The following CDC42BPA variants were observed in gnomAD, a reference collection of about 807,000 sequenced individuals.
CDC42BPA encodes serine/threonine-protein kinase MRCK alpha.
Under a neutral mutation model 223.5 loss-of-function variants are expected in CDC42BPA, and 80 were observed. The ratio of observed to expected loss-of-function variants is 0.36; its 90% CI spans 0.30 to 0.43. The LOEUF is 0.43. Among genes scored for constraint, CDC42BPA ranks in the 20% least tolerant of loss-of-function variants. The pLI is 1.00. For synonymous variants in CDC42BPA, 694 were observed against 718.6 expected, an observed-to-expected ratio of 0.97 and a Z score of 0.55; for missense variants, 1,743 against 2,099.9, an observed-to-expected ratio of 0.83 and a Z score of 3.32.
intron 14 of CDC42BPA, among the ~76,000 whole-genome samples, chr1:227,109,146 AG>A (rs1188647876): frequency 1.3e-5 from 2 of 152,190 alleles, no homozygotes; most frequent in Non-Finnish European, 2.9e-5. Context: ...TGGATGAGTT[AG>A]TGACTGGTGA....
In CDC42BPA at chr1:227,135,043, C is replaced by T. The variant is rs113035642; in HGVS notation, c.1390+4533G>A. ...GGGAAAGTGAGCCAGGGAAGTGAGGCATTCTGAGGTGAAGAGGCTATTACA... is the reference window on the plus strand; with the variant it reads ...GGGAAAGTGAGCCAGGGAAGTGAGGTATTCTGAGGTGAAGAGGCTATTACA... On this transcript the variant is annotated intron_variant, in intron 10 of 36. Coordinates refer to ENST00000366766, the MANE Select transcript of CDC42BPA (RefSeq NM_001394014.1). Among the ~76,000 whole-genome samples the T allele has an allele frequency of 5.5e-3, 836 of 152,296 alleles. 8 individuals are homozygous for T. The highest frequency in any genetic ancestry group is 0.019 in the African/African-American group (792 of 41,552).
At chr1:227,230,820 C>CTTTT (rs1198828997) in intron 2 of CDC42BPA, among the ~76,000 whole-genome samples, 30 of 91,586 alleles carry the variant, frequency 3.3e-4, no homozygotes, top group Non-Finnish European at 4.4e-4. Context: ...TTCTTTCTTT[C>CTTTT]TTTTTTTTTT....
At chr1:227,253,462 G>A (rs1682457840) in intron 2 of CDC42BPA, among the ~76,000 whole-genome samples, 1 of 152,164 alleles carries the variant, frequency 6.6e-6, no homozygotes, top group African/African-American at 2.4e-5. Flanking sequence ...TGGGCCTGAT[G>A]GCGGACGCCT....
intron 1 of CDC42BPA, among the ~76,000 whole-genome samples, chr1:227,284,176 T>TG (rs776748559): frequency 6.6e-5 from 10 of 152,216 alleles, no homozygotes; most frequent in Middle Eastern, 3.2e-3. Context: ...CATGATGGTA[T>TG]GGTTTGATGA....
chr1:227,098,067 C>A (rs201691742), intron 15 of CDC42BPA, among the ~76,000 whole-genome samples: 9 of 152,050 alleles, frequency 5.9e-5, no homozygotes, highest in African/African-American at 2.2e-4. Context: ...GTCTTATGCC[C>A]CTTGGTCTAA....
intron 10 of CDC42BPA, among the ~76,000 whole-genome samples, chr1:227,132,754 T>C (rs1189216228): frequency 6.9e-6 from 1 of 144,850 alleles, no homozygotes; most frequent in South Asian, 2.2e-4. Context: ...GCCCATCGTC[T>C]GGGATGTGGA....
intron 21 of CDC42BPA, among the ~76,000 whole-genome samples, chr1:227,061,345 G>C (rs1056324102): frequency 6.6e-6 from 1 of 152,030 alleles, no homozygotes; most frequent in African/African-American, 2.4e-5. Flanking sequence ...TATGCAGATC[G>C]TTTTCCAAAG....
At chr1:227,003,309 C>T (rs910348630) in intron 35 of CDC42BPA, among the ~76,000 whole-genome samples, 8 of 152,166 alleles carry the variant, frequency 5.3e-5, no homozygotes, top group Non-Finnish European at 1.2e-4. Context: ...AAAAAGGTTT[C>T]ACTAAGTTGC....
intron 6 of CDC42BPA, among the ~76,000 whole-genome samples, chr1:227,148,840 A>G (rs912872711): frequency 6.7e-6 from 1 of 149,970 alleles, no homozygotes; most frequent in African/African-American, 2.4e-5. Context: ...AACATATAAA[A>G]GAACTTTTTT....
intron 8 of CDC42BPA, 43 bp downstream of exon 8, chr1:227,145,446 A>G (rs202148969): frequency 9.3e-5 from 145 of 1,564,496 alleles, no homozygotes; most frequent in Non-Finnish European, 9.0e-5. Flanking sequence ...ACCATAGTAG[A>G]AAGAAACAGA....
chr1:227,065,289 AC>A (rs1458610508), intron 21 of CDC42BPA, among the ~76,000 whole-genome samples: 3 of 152,150 alleles, frequency 2.0e-5, no homozygotes, highest in Admixed American at 1.3e-4. Flanking sequence ...AATGGTTAAA[AC>A]AACTGGATTA....
intron 23 of CDC42BPA, among the ~76,000 whole-genome samples, chr1:227,042,632 A>C (rs953736496): frequency 3.9e-5 from 6 of 152,180 alleles, no homozygotes; most frequent in Admixed American, 6.5e-5. Flanking sequence ...TGTATAAAGA[A>C]AGACACAGGA....
chr1:227,143,857 C>A (rs1660166060), intron 8 of CDC42BPA, among the ~76,000 whole-genome samples: 1 of 152,134 alleles, frequency 6.6e-6, no homozygotes, highest in Non-Finnish European at 1.5e-5. Context: ...GTGTTCAAGG[C>A]AACTATATAG....
At chr1:227,265,504 C>T (rs940444818) in intron 1 of CDC42BPA, among the ~76,000 whole-genome samples, 1 of 152,020 alleles carries the variant, frequency 6.6e-6, no homozygotes, top group African/African-American at 2.4e-5. Context: ...TGGCATGCAC[C>T]TGTAATCCTA....
chr1:227,014,477 T>C (rs1489109735), intron 34 of CDC42BPA, among the ~76,000 whole-genome samples: 1 of 152,132 alleles, frequency 6.6e-6, no homozygotes. Context: ...CAGAGCCAAC[T>C]GATGAACTGA....
intron 22 of CDC42BPA, 40 bp from the exon 23 acceptor site, chr1:227,048,050 C>T: frequency 8.3e-7 from 1 of 1,208,282 alleles, no homozygotes; most frequent in South Asian, 1.4e-5. Context: ...TGTCATGAAA[C>T]ACTCCATTAA....
intron 10 of CDC42BPA, among the ~76,000 whole-genome samples, chr1:227,134,732 A>G (rs577418776): frequency 1.3e-5 from 2 of 152,332 alleles, no homozygotes; most frequent in Non-Finnish European, 1.5e-5. Context: ...ACAAGTATTC[A>G]TACCAAAAGG....
chr1:227,317,266 G>C lies in CDC42BPA; in HGVS notation c.-84C>G. 1 of 1,429,264 alleles carries C rather than the reference G, an allele frequency of 7.0e-7. No homozygotes were observed. The highest frequency in any genetic ancestry group is 1.4e-5 in the South Asian group (1 of 72,964). The allele number at this position is 1,429,264 out of a possible 1,614,324, so 88.5% of individuals were successfully genotyped here. A position where few individuals can be genotyped will look rare whatever the true frequency, so the allele number is the denominator to read the frequency against. On this transcript the variant is annotated 5_prime_UTR_variant, in exon 1 of 37. Coordinates refer to ENST00000366766, the MANE Select transcript of CDC42BPA (RefSeq NM_001394014.1). Reference sequence around the variant, plus strand: ...CTGAACCTAAATTTTAAAAGGTATGGTTTTAAAAATAAACCACTTGTTATT... The same window carrying C: ...CTGAACCTAAATTTTAAAAGGTATGCTTTTAAAAATAAACCACTTGTTATT...
At chr1:227,173,711 AT>A (rs113378000) in intron 5 of CDC42BPA, among the ~76,000 whole-genome samples, 52 of 149,294 alleles carry the variant, frequency 3.5e-4, no homozygotes, top group Admixed American at 1.3e-3. Context: ...CACATGTGGT[AT>A]TTTTTTTTTA....
Sources: gnomAD v4.1 joint callset for allele counts (sites outside exome capture counted in the v4.1 genomes callset) on GRCh38, gnomAD v4.1.1 for gene constraint, MANE v1.5 for transcripts, NCBI Gene and HGNC (gene_info 2026-07-23, HGNC 2026-07-21) for gene names.